RARB: variants seen among roughly 807,000 people sequenced by gnomAD.
RARB encodes the protein retinoic acid receptor beta.
A neutral mutation model predicts 51.9 loss-of-function variants in RARB; 17 were observed. That is an observed-to-expected ratio of 0.33 (90% CI 0.22 to 0.49). RARB has a LOEUF of 0.49. Among genes scored for constraint, RARB ranks in the 20% least tolerant of loss-of-function variants. The pLI, the probability that RARB is intolerant of heterozygous loss-of-function variation, is 0.99. For synonymous variants in RARB, 215 were observed against 195.4 expected (o/e 1.10, Z -0.84); for missense variants, 369 against 550.8 (o/e 0.67, Z 3.30).
chr3:25,333,264 T>C (rs1249912107), intron 5 of RARB, among the ~76,000 whole-genome samples: 1 of 152,168 alleles, frequency 6.6e-6, no homozygotes. Context: ...TCACGCTACC[T>C]GACTTCAAAC....
chr3:24,876,137 A>G (rs1703038705), intron 2 of RARB, among the ~76,000 whole-genome samples: 1 of 152,144 alleles, frequency 6.6e-6, no homozygotes, highest in Non-Finnish European at 1.5e-5. Context: ...TATTACTGAT[A>G]ACTTTCATCA....
intron 2 of RARB, among the ~76,000 whole-genome samples, chr3:24,876,062 G>C (rs1298265900): frequency 6.6e-6 from 1 of 152,118 alleles, no homozygotes; most frequent in African/African-American, 2.4e-5. Context: ...TTTAACTAGA[G>C]TTCCATGGAA....
chr3:25,556,007 A>T (rs1575515680), intron 3 of RARB, among the ~76,000 whole-genome samples: 2 of 149,012 alleles, frequency 1.3e-5, no homozygotes, highest in Admixed American at 6.7e-5. Context: ...GACATCTTGT[A>T]TTTTTTTTTT....
intron 2 of RARB, among the ~76,000 whole-genome samples, chr3:24,926,186 T>C (rs537506703): frequency 2.0e-5 from 3 of 152,206 alleles, no homozygotes; most frequent in South Asian, 2.1e-4. Context: ...GGCAAAGCAG[T>C]AGGATGTTTG....
At chr3:24,998,785 A>C (rs978965505) in intron 2 of RARB, among the ~76,000 whole-genome samples, 5 of 150,768 alleles carry the variant, frequency 3.3e-5, no homozygotes, top group Non-Finnish European at 7.4e-5. Flanking sequence ...CACCTTTTCA[A>C]AAATCCAAAT....
chr3:25,117,335 C>T (rs1261331781), intron 3 of RARB, among the ~76,000 whole-genome samples: 1 of 152,098 alleles, frequency 6.6e-6, no homozygotes, highest in Non-Finnish European at 1.5e-5. Context: ...AAATTGAGAA[C>T]TGAATAAAAG....
intron 4 of RARB, among the ~76,000 whole-genome samples, chr3:25,151,990 CCTCT>C (rs1458466070): frequency 1.3e-5 from 2 of 151,866 alleles, no homozygotes; most frequent in Non-Finnish European, 2.9e-5. Context: ...ATTCTTCTTC[CCTCT>C]CTCTTGAAAA....
intron 2 of RARB, among the ~76,000 whole-genome samples, chr3:24,899,320 G>GGA (rs1703546487): frequency 6.6e-6 from 1 of 152,092 alleles, no homozygotes. Context: ...GTGATTCTGT[G>GGA]GCGTATTCAC....
chr3:25,512,674 A>G (rs1697953459), intron 3 of RARB, among the ~76,000 whole-genome samples: 1 of 152,154 alleles, frequency 6.6e-6, no homozygotes, highest in Admixed American at 6.5e-5. Context: ...TTCCTAAATG[A>G]GCAGGCATGC....
At position 25,275,002 on chromosome 3, in the gene RARB, C is replaced by A. The variant is rs575066501; in HGVS notation, c.178+100427C>A. ...TGCTATGTAAGGATACTTAGCTGAT[C>A]AGCATTTGCTTGGAAGCTCAAAAAT... is the stretch of plus-strand genomic sequence containing the variant. On this transcript the variant is annotated intron_variant, in intron 5 of 11. Transcript: ENST00000383772. Among the ~76,000 whole-genome samples, 7 of 152,298 alleles carry A rather than the reference C, an allele frequency of 4.6e-5. 1 individual carries two copies. The highest frequency in any genetic ancestry group is 1.7e-4 in the African/African-American group (7 of 41,572).
chr3:25,092,467 T>C (rs887635193), intron 3 of RARB, among the ~76,000 whole-genome samples: 1 of 152,152 alleles, frequency 6.6e-6, no homozygotes, highest in African/African-American at 2.4e-5. Flanking sequence ...TGAAGCATAA[T>C]CTAGTTGTCT....
chr3:25,264,122 T>TAAAA (rs796384364), intron 5 of RARB, among the ~76,000 whole-genome samples: 1 of 151,022 alleles, frequency 6.6e-6, no homozygotes, highest in African/African-American at 2.4e-5. Flanking sequence ...TTTTTTTTTT[T>TAAAA]AAAAAAAGGT....
intron 4 of RARB, among the ~76,000 whole-genome samples, chr3:25,150,144 T>C (rs565701846): frequency 6.6e-6 from 1 of 151,182 alleles, no homozygotes; most frequent in South Asian, 2.1e-4. Flanking sequence ...CAGGTTGCAG[T>C]GAGCCGAGAT....
intron 3 of RARB, chr3:25,555,551 G>C (rs1700023285): frequency 6.6e-6 from 1 of 152,068 alleles, no homozygotes; most frequent in Non-Finnish European, 1.5e-5. Flanking sequence ...AGCTCTGTCA[G>C]GATTAAGTTT....
chr3:25,259,571 T>C (rs1421143500), intron 5 of RARB, among the ~76,000 whole-genome samples: 1 of 152,146 alleles, frequency 6.6e-6, no homozygotes, highest in Non-Finnish European at 1.5e-5. Flanking sequence ...CAGTTCTTCC[T>C]CCCATCTACT....
chr3:25,335,076 C>A (rs982318664), intron 5 of RARB, among the ~76,000 whole-genome samples: 1 of 152,170 alleles, frequency 6.6e-6, no homozygotes, highest in Admixed American at 6.5e-5. Context: ...CCCACCCATG[C>A]TGGCTGGCTG....
At chr3:25,336,941 A>T (rs563921702) in intron 5 of RARB, among the ~76,000 whole-genome samples, 43 of 152,308 alleles carry the variant, frequency 2.8e-4, no homozygotes, top group African/African-American at 9.6e-4. Context: ...AGGACAAGGA[A>T]GTAAATGAAG....
At position 25,052,631 on chromosome 3, in the gene RARB, G is replaced by C. The variant is rs141225342; in HGVS notation, c.-379-7494G>C. On this transcript the variant is annotated intron_variant, in intron 2 of 11. Coordinates refer to the RARB transcript ENST00000383772. ...GAGAACCACATAGCAGCATGGAAAA[G>C]TTGGTTAGATTATAATTGAAAGTAT... Among the ~76,000 whole-genome samples the C allele has an allele frequency of 9.9e-3, 1,510 of 152,276 alleles. 13 individuals are homozygous for C. Among genetic ancestry groups the C allele is most frequent in the Non-Finnish European group, 0.017 (1,154 of 68,024 alleles).
At position 24,911,679 on chromosome 3, in the gene RARB, A is replaced by C. The variant is rs1559392941; in HGVS notation, c.-380+52927A>C. Reference sequence around the variant, plus strand: ...TGAATGTGCCAAATCCTGGCTGGGCACAGTGGCTCATACCTGTAATCCTAG... The same window carrying C: ...TGAATGTGCCAAATCCTGGCTGGGCCCAGTGGCTCATACCTGTAATCCTAG... On this transcript the variant is annotated intron_variant, in intron 2 of 11. Transcript: ENST00000383772. Among the ~76,000 whole-genome samples, 3 of 152,330 alleles carry C rather than the reference A, an allele frequency of 2.0e-5. No homozygotes were observed. In the East Asian group the frequency reaches 5.8e-4, roughly 29 times the overall value.
Sources: gnomAD v4.1 joint callset for allele counts (sites outside exome capture counted in the v4.1 genomes callset) on GRCh38, gnomAD v4.1.1 for gene constraint, MANE v1.5 for transcripts, NCBI Gene and HGNC (gene_info 2026-07-23, HGNC 2026-07-21) for gene names.